Variants in GOLM1 observed in about 807,000 individuals in gnomAD.
GOLM1 encodes epididymis luminal protein 46.
Under a neutral mutation model 50.5 loss-of-function variants are expected in GOLM1, and 31 were observed. That is an observed-to-expected ratio of 0.61 (90% CI 0.46 to 0.83). The LOEUF is 0.83. GOLM1 is among the 40% of genes least tolerant of loss of function. The probability of loss-of-function intolerance (pLI) is 0.00; values close to 1 mark genes in which losing one functional copy is unlikely to be tolerated. For synonymous variants in GOLM1, 178 were observed against 192.8 expected, an observed-to-expected ratio of 0.92 and a Z score of 0.64; for missense variants, 491 against 501.3, an observed-to-expected ratio of 0.98 and a Z score of 0.20.
chr9:86,053,570 TCACACAC>T (rs1833864757), intron 3 of GOLM1, among the ~76,000 whole-genome samples: 3 of 880 alleles, frequency 3.4e-3, no homozygotes, highest in Non-Finnish European at 7.5e-3. Context: ...CACACACACA[TCACACAC>T]ACCACACACC....
At position 86,077,274 on chromosome 9, in the gene GOLM1, A is replaced by G. The variant is rs1053314610; in HGVS notation, c.309+138T>C. ...GAGGGGAAAGGGAGAGAATGCCCAAAGCTTGATCAATAGGCTCTTTCCACA... is the reference window on the plus strand; with the variant it reads ...GAGGGGAAAGGGAGAGAATGCCCAAGGCTTGATCAATAGGCTCTTTCCACA... On this transcript the variant is annotated intron_variant, in intron 3 of 9. Transcript: ENST00000388712. The G allele has an allele frequency of 1.1e-5, 8 of 709,396 alleles. No homozygotes were observed. In the African/African-American group the frequency reaches 1.2e-4, roughly 11 times the overall value. 43.9% of individuals were successfully genotyped at this position (709,396 alleles called of 1,614,324 possible).
chr9:86,072,531 G>GA (rs1250165424), intron 3 of GOLM1, among the ~76,000 whole-genome samples: 1 of 152,072 alleles, frequency 6.6e-6, no homozygotes, highest in African/African-American at 2.4e-5. Context: ...GCTATTCTGG[G>GA]AAAAAAGCAG....
rs35208119 is a variant in GOLM1 at position 86,082,025 on chromosome 9, CTTTTT to C, written c.-21-2689_-21-2685del. Reference sequence around the variant, plus strand: ...AGGGGCATCAGCATCACCTGGGACACTTTTTTTTTTTTTTTTTTTTTGAGATGGAG... The same window carrying C: ...AGGGGCATCAGCATCACCTGGGACACTTTTTTTTTTTTTTTTGAGATGGAG... On this transcript the variant is annotated intron_variant, in intron 1 of 9. Transcript: ENST00000388712. Among the ~76,000 whole-genome samples the C allele has an allele frequency of 4.3e-4, 36 of 84,516 alleles. 1 individual carries two copies. The South Asian group carries it at 0.013, about 31-fold the overall frequency. The allele number at this position is 84,516 out of a possible 152,430, so 55.4% of individuals were successfully genotyped here. A position where few individuals can be genotyped will look rare whatever the true frequency, so the allele number is the denominator to read the frequency against.
rs1389409951 is a variant in GOLM1, at chr9:86,067,245, G to T, written c.309+10167C>A. Among the ~76,000 whole-genome samples, 3 of 152,160 alleles carry T rather than the reference G, an allele frequency of 2.0e-5. No individual in the cohort carries two copies. The East Asian group carries it at 5.8e-4, about 29-fold the overall frequency. On this transcript the variant is annotated intron_variant, in intron 3 of 9. Transcript: ENST00000388712. ...TGGCCCAGACCCAAATTATTAATCA[G>T]CCTGTGTTAACAACATAAAAGAATG... is the stretch of plus-strand genomic sequence containing the variant.
At chr9:86,058,657 C>T (rs1395120532) in intron 3 of GOLM1, among the ~76,000 whole-genome samples, 2 of 138,226 alleles carry the variant, frequency 1.4e-5, no homozygotes, top group Non-Finnish European at 3.0e-5. Context: ...GATCATGCCA[C>T]TGCACTCCAG....
chr9:86,031,437 A>G (rs1832976916), intron 9 of GOLM1, among the ~76,000 whole-genome samples: 1 of 150,566 alleles, frequency 6.6e-6, no homozygotes, highest in South Asian at 2.1e-4. Context: ...TTATACAAAC[A>G]ATACCACTGA....
chr9:86,048,405 G>T (rs1833628089), intron 4 of GOLM1, among the ~76,000 whole-genome samples: 1 of 152,088 alleles, frequency 6.6e-6, no homozygotes, highest in Non-Finnish European at 1.5e-5. Context: ...GGGATGGCTG[G>T]GTCAAATGGT....
In GOLM1 at chr9:86,027,304, A is replaced by G. The variant is rs1178521987; in HGVS notation, c.*513T>C. Reference sequence around the variant, plus strand: ...GTGTTAACAGTCAGTGCTCTAGGCCATTGATTGATTGATTGTCAGAATCAG... The same window carrying G: ...GTGTTAACAGTCAGTGCTCTAGGCCGTTGATTGATTGATTGTCAGAATCAG... On this transcript the variant is annotated 3_prime_UTR_variant, in exon 10 of 10. Transcript: ENST00000388712. 41 of 982,476 alleles carry G rather than the reference A, an allele frequency of 4.2e-5. No individual in the cohort carries two copies. The highest frequency in any genetic ancestry group is 4.8e-5 in the Non-Finnish European group (40 of 827,490). 60.9% of individuals were successfully genotyped at this position (982,476 alleles called of 1,614,324 possible). A position where few individuals can be genotyped will look rare whatever the true frequency, so the allele number is the denominator to read the frequency against.
chr9:86,046,750 C>A (rs1833558495), intron 4 of GOLM1, among the ~76,000 whole-genome samples, 178 bp from the exon 5 acceptor site: 1 of 152,156 alleles, frequency 6.6e-6, no homozygotes, highest in African/African-American at 2.4e-5. Context: ...CACTAAACCC[C>A]AGCTGTGGAG....
intron 7 of GOLM1, 137 bp downstream of exon 7, chr9:86,036,211 G>A: frequency 1.2e-6 from 1 of 823,932 alleles, no homozygotes; most frequent in Non-Finnish European, 2.0e-6. Flanking sequence ...CCAATTCCAG[G>A]GGCCCAGAGA....
intron 5 of GOLM1, among the ~76,000 whole-genome samples, chr9:86,043,068 A>C (rs764354498): frequency 1.5e-4 from 23 of 152,318 alleles, no homozygotes; most frequent in Non-Finnish European, 3.2e-4. Flanking sequence ...AAGTACAAGG[A>C]TCTATCAGGG....
At chr9:86,085,573 G>A (rs559644953) in intron 1 of GOLM1, among the ~76,000 whole-genome samples, 261 of 149,708 alleles carry the variant, frequency 1.7e-3, no homozygotes, top group Non-Finnish European at 2.9e-3. Context: ...ATGGTTTGCT[G>A]CACCCATCAA....
chr9:86,073,988 A>G (rs889771837), intron 3 of GOLM1, among the ~76,000 whole-genome samples: 1 of 152,054 alleles, frequency 6.6e-6, no homozygotes, highest in Admixed American at 6.6e-5. Context: ...TTGGTTTCCA[A>G]GCTTTTGTCC....
chr9:86,075,902 T>C (rs915895573), intron 3 of GOLM1, among the ~76,000 whole-genome samples: 4 of 152,012 alleles, frequency 2.6e-5, no homozygotes, highest in African/African-American at 7.2e-5. Flanking sequence ...TATGCACAAT[T>C]CCCAGAGAAG....
chr9:86,098,611 T>C (rs1835424435), intron 1 of GOLM1, among the ~76,000 whole-genome samples: 1 of 152,254 alleles, frequency 6.6e-6, no homozygotes, highest in African/African-American at 2.4e-5. Context: ...TCCAGCATCA[T>C]CATGGTATTT....
intron 3 of GOLM1, among the ~76,000 whole-genome samples, chr9:86,062,037 C>G (rs1563960374): frequency 6.6e-6 from 1 of 151,626 alleles, no homozygotes; most frequent in Non-Finnish European, 1.5e-5. Flanking sequence ...CAGAAAACAC[C>G]ATCTATCCAG....
At chr9:86,099,993 G>A (rs887858280), upstream of GOLM1, 7 of 152,226 alleles carry the variant, frequency 4.6e-5, no homozygotes, top group Admixed American at 4.6e-4. Flanking sequence ...GGAAGCGAAC[G>A]AAAAACAGGT....
chr9:86,047,967 G>A (rs1474018407), intron 4 of GOLM1, among the ~76,000 whole-genome samples: 4 of 152,152 alleles, frequency 2.6e-5, no homozygotes, highest in Admixed American at 6.5e-5. Context: ...CCATGTTGGT[G>A]TGCTGCACCC....
At position 86,026,765 on chromosome 9, in the gene GOLM1, AATTCAC is replaced by A. The variant is rs945646696; in HGVS notation, c.*1046_*1051del. ...ATTAGGATTAAGTAGTAATTTTCAAAATTCACATTAACTTGATTTTAAAATCAGTTT... is the reference window on the plus strand; with the variant it reads ...ATTAGGATTAAGTAGTAATTTTCAAAATTAACTTGATTTTAAAATCAGTTT... On this transcript the variant is annotated 3_prime_UTR_variant, in exon 10 of 10. Coordinates refer to ENST00000388712, the MANE Select transcript of GOLM1 (RefSeq NM_016548.4). 5 of 982,752 alleles carry A rather than the reference AATTCAC, an allele frequency of 5.1e-6. No homozygotes were observed. The highest frequency in any genetic ancestry group is 4.8e-6 in the Non-Finnish European group (4 of 827,632). 60.9% of individuals were successfully genotyped at this position (982,752 alleles called of 1,614,324 possible).
Sources: gnomAD v4.1 joint callset for allele counts (sites outside exome capture counted in the v4.1 genomes callset) on GRCh38, gnomAD v4.1.1 for gene constraint, MANE v1.5 for transcripts, NCBI Gene and HGNC (gene_info 2026-07-23, HGNC 2026-07-21) for gene names.